Variants in PTGFRN observed in about 807,000 individuals in gnomAD.
The protein encoded by PTGFRN is prostaglandin F2 receptor inhibitor, also known as prostaglandin F2 receptor negative regulator.
A neutral mutation model predicts 83.2 loss-of-function variants in PTGFRN; 35 were observed. The observed-to-expected ratio is 0.42, with a 90% CI of 0.32 to 0.56. PTGFRN has a LOEUF of 0.56. PTGFRN is among the 20% of genes least tolerant of loss of function. The probability of loss-of-function intolerance (pLI) is 0.11; values close to 1 mark genes in which losing one functional copy is unlikely to be tolerated. For missense variants in PTGFRN, 1,051 were observed against 1,179.5 expected (o/e 0.89, Z 1.60); for synonymous variants, 519 against 498.6 (o/e 1.04, Z -0.55).
chr1:116,965,606 C>T (rs1360055755), intron 5 of PTGFRN, among the ~76,000 whole-genome samples: 2 of 147,524 alleles, frequency 1.4e-5, no homozygotes, highest in Admixed American at 7.2e-5. Context: ...TAAAATGTTG[C>T]CTCCTCAGTG....
At chr1:116,977,488 T>A (rs1651190336) in intron 7 of PTGFRN, among the ~76,000 whole-genome samples, 1 of 152,154 alleles carries the variant, frequency 6.6e-6, no homozygotes, top group Non-Finnish European at 1.5e-5. Flanking sequence ...AAAGCACTCC[T>A]CAGCAAATGT....
chr1:116,943,862 T>G lies in PTGFRN; in HGVS notation c.419-817T>G, dbSNP rs1313338319. 2.6e-5 allele frequency among the ~76,000 whole-genome samples: 4 copies of G among 152,176 alleles called. No homozygotes were observed. In the East Asian group the frequency reaches 7.7e-4, roughly 29 times the overall value. ...GGAAAAAAAAACAGATGATGAATAG[T>G]GGTGTTGGAGGGTCCTCTTAGCCAG... is the stretch of plus-strand genomic sequence containing the variant. On this transcript the variant is annotated intron_variant, in intron 2 of 8. Coordinates refer to ENST00000393203, the MANE Select transcript of PTGFRN (RefSeq NM_020440.4).
intron 1 of PTGFRN, among the ~76,000 whole-genome samples, chr1:116,930,418 T>C (rs1370889408): frequency 6.6e-6 from 1 of 152,202 alleles, no homozygotes; most frequent in Non-Finnish European, 1.5e-5. Flanking sequence ...GACTCCCACG[T>C]CTTCACTGCT....
intron 1 of PTGFRN, among the ~76,000 whole-genome samples, chr1:116,911,686 A>G (rs56677132): frequency 0.026 from 3,951 of 152,330 alleles, 200 homozygotes; most frequent in African/African-American, 0.09. Flanking sequence ...TCTTTCACCC[A>G]GTCTGGAGTG....
rs1002069986 is a variant in PTGFRN, at chr1:116,958,663, CATT to C, written c.1214-2577_1214-2575del. Among the ~76,000 whole-genome samples, 2 of 152,152 alleles carry C rather than the reference CATT, an allele frequency of 1.3e-5. No homozygotes were observed. The highest frequency in any genetic ancestry group is 4.8e-5 in the African/African-American group (2 of 41,430). ...TTTTAACTCTTAACCCTCACAATAA[CATT>C]ATGAGCTAGTTACTGTCATCCCCAT... On this transcript the variant is annotated intron_variant, in intron 4 of 8. Transcript: ENST00000393203. The surrounding 1 kb of genome is among the most constrained non-coding windows in gnomAD (Gnocchi z 4.9).
intron 4 of PTGFRN, among the ~76,000 whole-genome samples, chr1:116,951,010 T>C (rs762622916): frequency 4.6e-5 from 7 of 152,246 alleles, no homozygotes; most frequent in Non-Finnish European, 1.0e-4. Context: ...GAGCTGAATT[T>C]GTCTCACAGC....
chr1:116,956,687 A>G (rs1650507457), intron 4 of PTGFRN, among the ~76,000 whole-genome samples: 1 of 152,106 alleles, frequency 6.6e-6, no homozygotes, highest in Non-Finnish European at 1.5e-5. Flanking sequence ...GCTGGGGAGC[A>G]TTTTCTTAAC....
chr1:116,980,520 C>T (rs1368267385), intron 7 of PTGFRN, among the ~76,000 whole-genome samples: 1 of 152,138 alleles, frequency 6.6e-6, no homozygotes, highest in East Asian at 1.9e-4. Flanking sequence ...GAATACTATG[C>T]AGCCATAAAA....
At chr1:116,983,759 T>C (rs2101092278) in intron 7 of PTGFRN, among the ~76,000 whole-genome samples, 1 of 152,296 alleles carries the variant, frequency 6.6e-6, no homozygotes, top group Non-Finnish European at 1.5e-5. Flanking sequence ...GGCAAAAAAT[T>C]GTGTTATTTG....
chr1:116,970,496 T>A (rs1438878212), intron 6 of PTGFRN, among the ~76,000 whole-genome samples: 1 of 152,206 alleles, frequency 6.6e-6, no homozygotes, highest in Non-Finnish European at 1.5e-5. Context: ...TCTTTTAAAC[T>A]CTTATATGGA....
chr1:116,949,342 C>G lies in PTGFRN; in HGVS notation c.983C>G (p.Ser328Cys). 1 of 1,614,280 alleles carries G rather than the reference C, an allele frequency of 6.2e-7. No homozygotes were observed. ...ATGCCTGACAGCACCCTACCTGGCT[C>G]CCGCGTGTTGGCGCGGCTTGACCGT... ...SRMPDSTLPG[S>C]RVLARLDRDS... Residue 328 changes from serine (S) to cysteine (C), a missense_variant, in exon 4 of 9, where the codon TCC becomes TGC. Ser to Cys is a moderately radical substitution (Grantham distance 112). This residue lies in a region of PTGFRN where 719 missense variants were observed against 836.6 expected (regional missense o/e 0.86). Transcript: ENST00000393203.
intron 8 of PTGFRN, among the ~76,000 whole-genome samples, chr1:116,985,973 A>G (rs1651466309): frequency 6.6e-6 from 1 of 152,234 alleles, no homozygotes; most frequent in Non-Finnish European, 1.5e-5. Context: ...ATTAAAGTCC[A>G]GGGGCCTCCG....
At position 116,961,737 on chromosome 1, in the gene PTGFRN, G is replaced by T; in HGVS notation, c.1639+69G>T. 2.1e-6 allele frequency: 3 copies of T among 1,410,680 alleles called. No individual in the cohort carries two copies. The highest frequency in any genetic ancestry group is 2.9e-6 in the Non-Finnish European group (3 of 1,035,668). 87.4% of individuals were successfully genotyped at this position (1,410,680 alleles called of 1,614,324 possible). A position where few individuals can be genotyped will look rare whatever the true frequency, so the allele number is the denominator to read the frequency against. Reference sequence around the variant, plus strand: ...TTAAGTCGTGCCGCTGTGTGTTGATGCACAGTCACCCTCTGCAGGTTATCA... The same window carrying T: ...TTAAGTCGTGCCGCTGTGTGTTGATTCACAGTCACCCTCTGCAGGTTATCA... On this transcript the variant is annotated intron_variant, in intron 5 of 8. Transcript: ENST00000393203. This position sits in a 1 kb window ranked among gnomAD's most constrained non-coding sequence, Gnocchi z 5.4.
chr1:116,944,767 C>T lies in PTGFRN; in HGVS notation c.507C>T (p.Cys169=), dbSNP rs1199727443. Residue 169 remains cysteine (C), a synonymous_variant, in exon 3 of 9, where the codon TGC becomes TGT. Transcript: ENST00000393203. ...LREGEPFELR[C]TAASASPLHT... is the part of the protein sequence containing the mutation. ...AGGGGGAGCCCTTCGAGCTGCGCTGCACCGCCGCCTCCGCCTCGCCGCTGC... is the reference window on the plus strand; with the variant it reads ...AGGGGGAGCCCTTCGAGCTGCGCTGTACCGCCGCCTCCGCCTCGCCGCTGC... 1.3e-6 allele frequency: 2 copies of T among 1,554,822 alleles called. No homozygotes were observed. The highest frequency in any genetic ancestry group is 1.2e-5 in the South Asian group (1 of 84,338).
intron 1 of PTGFRN, among the ~76,000 whole-genome samples, chr1:116,932,984 G>GT (rs1467814959): frequency 6.6e-6 from 1 of 152,142 alleles, no homozygotes; most frequent in Non-Finnish European, 1.5e-5. Flanking sequence ...CTACCTTATG[G>GT]TTGTCTTCTG....
chr1:116,962,216 C>G (rs540810433), intron 5 of PTGFRN: 1 of 153,322 alleles, frequency 6.5e-6, no homozygotes, highest in Admixed American at 6.5e-5. Flanking sequence ...CTGTTGCCTC[C>G]TAGGTCCTCC....
chr1:116,953,078 C>T (rs559319306), intron 4 of PTGFRN, among the ~76,000 whole-genome samples: 46 of 152,246 alleles, frequency 3.0e-4, no homozygotes, highest in African/African-American at 1.0e-3. Flanking sequence ...GAACTCTGCC[C>T]GAAGTACCAG....
chr1:116,967,070 A>G lies in PTGFRN; in HGVS notation c.1799A>G (p.Asn600Ser), dbSNP rs373615279. 5.1e-5 allele frequency: 82 copies of G among 1,614,030 alleles called. No homozygotes were observed. The highest frequency in any genetic ancestry group is 3.1e-4 in the East Asian group (14 of 44,894). Residue 600 changes from asparagine (N) to serine (S), a missense_variant, in exon 6 of 9, where the codon AAT (asparagine) becomes AGT (serine). Around this residue, in one of 3 missense-constraint regions of PTGFRN, gnomAD observed 719 missense variants for 836.6 expected, o/e 0.86. Transcript: ENST00000393203. ...CCTGTCGGCGACCTCTCCAGTCCCA[A>G]TGAAACGAAGTACATCATCTCTCTG... ...EKPVGDLSSP[N>S]ETKYIISLDQ...
chr1:116,938,952 G>A (rs1296003425), intron 1 of PTGFRN, among the ~76,000 whole-genome samples: 1 of 152,236 alleles, frequency 6.6e-6, no homozygotes, highest in African/African-American at 2.4e-5. Context: ...AAATCTTAAA[G>A]CTCCAGAATG....
Sources: gnomAD v4.1 joint callset for allele counts (sites outside exome capture counted in the v4.1 genomes callset) on GRCh38, gnomAD v4.1.1 for gene constraint, gnomAD v4.1.1 regional missense constraint, Gnocchi (gnomAD v3.1) non-coding constraint, MANE v1.5 for transcripts, NCBI Gene and HGNC (gene_info 2026-07-23, HGNC 2026-07-21) for gene names.